Variants in SDK2 observed in about 807,000 individuals in gnomAD.
SDK2 encodes the protein protein sidekick-2.
A neutral mutation model predicts 253.9 loss-of-function variants in SDK2; 105 were observed. The ratio of observed to expected loss-of-function variants is 0.41; its 90% CI spans 0.35 to 0.49. The LOEUF (loss-of-function observed/expected upper bound fraction) is 0.49. Among genes scored for constraint, SDK2 ranks in the 20% least tolerant of loss-of-function variants. The probability of loss-of-function intolerance (pLI) is 0.06; values close to 1 mark genes in which losing one functional copy is unlikely to be tolerated. For missense variants in SDK2, 2,608 were observed against 3,003.0 expected (o/e 0.87, Z 3.07); for synonymous variants, 1,249 against 1,234.9 (o/e 1.01, Z -0.24).
intron 1 of SDK2, among the ~76,000 whole-genome samples, chr17:73,614,954 G>A (rs575642857): frequency 6.7e-5 from 10 of 148,878 alleles, no homozygotes; most frequent in South Asian, 4.3e-4. Context: ...TAACAAACCC[G>A]CATGTGTGTC....
At chr17:73,484,547 C>G (rs2063758428) in intron 2 of SDK2, among the ~76,000 whole-genome samples, 2 of 152,222 alleles carry the variant, frequency 1.3e-5, no homozygotes, top group African/African-American at 4.8e-5. Context: ...CTGGGGCATC[C>G]AGGGGCGTAT....
intron 2 of SDK2, among the ~76,000 whole-genome samples, chr17:73,503,458 T>G (rs8082523): frequency 0.73 from 110,556 of 152,144 alleles, 40,597 homozygotes; most frequent in African/African-American, 0.78. Context: ...ACGTGCATGT[T>G]TATACGTGTG....
intron 3 of SDK2, among the ~76,000 whole-genome samples, chr17:73,469,987 C>CGCGCGT (rs1324818696): frequency 2.1e-3 from 240 of 116,040 alleles, no homozygotes; most frequent in Middle Eastern, 0.013. Flanking sequence ...CGACTGCGCG[C>CGCGCGT]GCGCGCACAC....
chr17:73,529,355 T>G (rs1385570232), intron 1 of SDK2, among the ~76,000 whole-genome samples: 1 of 152,082 alleles, frequency 6.6e-6, no homozygotes, highest in Non-Finnish European at 1.5e-5. Flanking sequence ...GCCTCAATTT[T>G]CTCATCTGAA....
At chr17:73,471,278 C>T (rs966309686) in intron 3 of SDK2, among the ~76,000 whole-genome samples, 2 of 152,144 alleles carry the variant, frequency 1.3e-5, no homozygotes, top group Admixed American at 6.5e-5. Flanking sequence ...GTTATCACTC[C>T]AGGGTTGAGC....
chr17:73,379,264 G>A lies in SDK2; in HGVS notation c.4893C>T (p.Val1631=), dbSNP rs769364453. 1.1e-5 allele frequency: 17 copies of A among 1,555,312 alleles called. No individual in the cohort carries two copies. Among genetic ancestry groups the A allele is most frequent in the Admixed American group, 1.9e-5 (1 of 51,396 alleles). Residue 1631 remains valine, a synonymous_variant, in exon 36 of 45, where the codon GTC becomes GTT. Coordinates refer to ENST00000392650, the MANE Select transcript of SDK2 (RefSeq NM_001144952.2). This position sits in a 1 kb window ranked among gnomAD's most constrained non-coding sequence, Gnocchi z 4.5. ...GCTGTGTGGCCGTGGCGCCGTGGACGACCACGTTACGAGGTGCTGCTGTGG... is the reference window on the plus strand; with the variant it reads ...GCTGTGTGGCCGTGGCGCCGTGGACAACCACGTTACGAGGTGCTGCTGTGG... ...AVPTAAPRNV[V]VHGATATQLD...
chr17:73,384,049 A>C, intron 32 of SDK2, 38 bp from the exon 33 acceptor site: 1 of 1,598,448 alleles, frequency 6.3e-7, no homozygotes, highest in Non-Finnish European at 8.5e-7. Flanking sequence ...GGGCACCTGG[A>C]CCACCACCCA....
chr17:73,338,103 G>A lies in SDK2; in HGVS notation c.*484C>T. The A allele has an allele frequency of 3.9e-6, 1 of 254,104 alleles. No homozygotes were observed. The highest frequency in any genetic ancestry group is 7.9e-6 in the Non-Finnish European group (1 of 127,046). The allele number at this position is 254,104 out of a possible 1,614,324, so 15.7% of individuals were successfully genotyped here. On this transcript the variant is annotated 3_prime_UTR_variant, in exon 45 of 45. Transcript: ENST00000392650. This position sits in a 1 kb window ranked among gnomAD's most constrained non-coding sequence, Gnocchi z 5.0. ...GAGGGAAGGAGGAGCAGAGAGAGAAGATAGGCGTGGCCTCCGGGATGCCCA... is the reference window on the plus strand; with the variant it reads ...GAGGGAAGGAGGAGCAGAGAGAGAAAATAGGCGTGGCCTCCGGGATGCCCA...
At chr17:73,366,738 T>C (rs563367228) in intron 37 of SDK2, among the ~76,000 whole-genome samples, 3 of 152,282 alleles carry the variant, frequency 2.0e-5, no homozygotes, top group African/African-American at 7.2e-5. Context: ...CTGCCTGCCC[T>C]GCCTGTCCAC....
At chr17:73,633,143 G>A (rs1403454834) in intron 1 of SDK2, among the ~76,000 whole-genome samples, 1 of 152,060 alleles carries the variant, frequency 6.6e-6, no homozygotes, top group African/African-American at 2.4e-5. Flanking sequence ...TGATTAGCTG[G>A]GTATGGTAGT....
rs187479318 is a variant in SDK2, at chr17:73,379,439, G to A, written c.4864+9C>T. Reference sequence around the variant, plus strand: ...CATGCTGGGGCCGGACAGGGCGGGCGCTGCTCACCTGCCTCCCCAACAAAG... The same window carrying A: ...CATGCTGGGGCCGGACAGGGCGGGCACTGCTCACCTGCCTCCCCAACAAAG... On this transcript the variant is annotated intron_variant, in intron 35 of 44. Transcript: ENST00000392650. This position sits in a 1 kb window ranked among gnomAD's most constrained non-coding sequence, Gnocchi z 4.5. 273 of 1,593,194 alleles carry A rather than the reference G, an allele frequency of 1.7e-4. 1 individual carries two copies. Among genetic ancestry groups the A allele is most frequent in the Middle Eastern group, 1.7e-3 (10 of 5,926 alleles).
chr17:73,552,421 C>T (rs575326773), intron 1 of SDK2, among the ~76,000 whole-genome samples: 9 of 152,252 alleles, frequency 5.9e-5, no homozygotes, highest in East Asian at 3.9e-4. Flanking sequence ...TTGGCGAGGA[C>T]GCATGACATC....
chr17:73,362,917 T>C (rs1392355994), intron 38 of SDK2, among the ~76,000 whole-genome samples: 1 of 152,258 alleles, frequency 6.6e-6, no homozygotes, highest in Non-Finnish European at 1.5e-5. Flanking sequence ...GCCAATAGGC[T>C]GGGCTCAGAC....
intron 5 of SDK2, 23 bp from the exon 6 acceptor site, chr17:73,440,946 C>T (rs951491771): frequency 4.7e-6 from 7 of 1,499,570 alleles, no homozygotes; most frequent in African/African-American, 2.8e-5. Context: ...CAGATGTTAG[C>T]TGGGGGCGAG....
intron 1 of SDK2, among the ~76,000 whole-genome samples, chr17:73,548,992 C>T (rs532027254): frequency 2.0e-5 from 3 of 152,226 alleles, no homozygotes; most frequent in African/African-American, 7.2e-5. Flanking sequence ...ATGACAACCC[C>T]GGCTGCCTCC....
In SDK2 at chr17:73,422,357, G is replaced by C; in HGVS notation, c.1975C>G (p.Arg659Gly). Residue 659 changes from arginine (R) to glycine (G), a missense_variant, in exon 15 of 45, where the codon CGC (arginine) becomes GGC (glycine). Transcript: ENST00000392650. ...SVTVKGLVPA[R>G]SYQFRLCAVN... ...GCACAAAGACGGAACTGGTAGGAGCGTGCAGGAACCAGGCCCTTGACTGTC... is the reference window on the plus strand; with the variant it reads ...GCACAAAGACGGAACTGGTAGGAGCCTGCAGGAACCAGGCCCTTGACTGTC... 6.2e-7 allele frequency: 1 copy of C among 1,613,996 alleles called. No homozygotes were observed. Among genetic ancestry groups the C allele is most frequent in the Non-Finnish European group, 8.5e-7 (1 of 1,179,892 alleles).
At chr17:73,634,236 G>C (rs1438210141) in intron 1 of SDK2, among the ~76,000 whole-genome samples, 2 of 152,172 alleles carry the variant, frequency 1.3e-5, no homozygotes, top group African/African-American at 4.8e-5. Context: ...CCTACCCTGG[G>C]TCCACCAGCC....
rs144452885 is a variant in SDK2, at chr17:73,338,723, C to T, written c.6383G>A (p.Arg2128Gln). 208 of 1,612,602 alleles carry T rather than the reference C, an allele frequency of 1.3e-4. 2 individuals are homozygous for T. In the African/African-American group the frequency reaches 2.1e-3, roughly 16 times the overall value. The change falls in exon 45 of 45, where the codon CGG becomes CAG. Residue 2128 changes from arginine to glutamine, a missense_variant. Transcript: ENST00000392650. This position sits in a 1 kb window ranked among gnomAD's most constrained non-coding sequence, Gnocchi z 5.0. ...CGTTGGAGTCCGACTGGCCTTGGGCCGAAAGAGGCTGCCCTGCTGGGTGCT... is the reference window on the plus strand; with the variant it reads ...CGTTGGAGTCCGACTGGCCTTGGGCTGAAAGAGGCTGCCCTGCTGGGTGCT... ...STSTQQGSLF[R>Q]PKASRTPTPQ...
intron 1 of SDK2, among the ~76,000 whole-genome samples, chr17:73,625,681 G>C (rs1166079668): frequency 6.6e-6 from 1 of 151,984 alleles, no homozygotes; most frequent in Non-Finnish European, 1.5e-5. Flanking sequence ...GTCTCACTCT[G>C]TTGTCTAGGC....
Sources: allele counts gnomAD v4.1 joint callset (sites outside exome capture counted in the v4.1 genomes callset), GRCh38; gene constraint gnomAD v4.1.1; non-coding constraint Gnocchi (gnomAD v3.1); transcripts MANE v1.5; gene names NCBI Gene and HGNC (gene_info 2026-07-23, HGNC 2026-07-21).